The following GLS variants were observed in gnomAD, a reference collection of about 807,000 sequenced individuals.
GLS encodes glutaminase kidney isoform, mitochondrial.
A neutral mutation model predicts 86.7 loss-of-function variants in GLS; 36 were observed. The observed-to-expected ratio is 0.42, with a 90% CI of 0.32 to 0.55. The LOEUF (loss-of-function observed/expected upper bound fraction) is 0.55, where lower values mean the gene tolerates loss of function less well. Among genes scored for constraint, GLS ranks in the 20% least tolerant of loss-of-function variants. The pLI is 0.17. For synonymous variants in GLS, 317 were observed against 305.9 expected (o/e 1.04, Z -0.38); for missense variants, 528 against 833.4 (o/e 0.63, Z 4.51).
intron 14 of GLS, among the ~76,000 whole-genome samples, chr2:190,946,529 C>G (rs138849117): frequency 8.6e-5 from 13 of 151,374 alleles, no homozygotes; most frequent in Admixed American, 3.3e-4. Flanking sequence ...TATAGCAGTT[C>G]CAAACAGGCT....
At chr2:190,928,892 GTTTTTTTTT>G (rs367999647) in intron 12 of GLS, among the ~76,000 whole-genome samples, 1 of 12,822 alleles carries the variant, frequency 7.8e-5, no homozygotes, top group Non-Finnish European at 1.4e-4. Flanking sequence ...ATTCAGGTGT[GTTTTTTTTT>G]TTTTTTTTTT....
intron 3 of GLS, 36 bp from the exon 4 acceptor site, chr2:190,900,528 T>G: frequency 7.6e-7 from 1 of 1,322,388 alleles, no homozygotes; most frequent in Non-Finnish European, 1.1e-6. Flanking sequence ...ATTTGAAATG[T>G]ACCCAGTTTA....
rs1196173173 is a variant in GLS at position 190,956,353 on chromosome 2, T to G, written c.1853+1535T>G. Among the ~76,000 whole-genome samples, 1 of 152,172 alleles carries G rather than the reference T, an allele frequency of 6.6e-6. No homozygotes were observed. Among genetic ancestry groups the G allele is most frequent in the Non-Finnish European group, 1.5e-5 (1 of 68,036 alleles). The stretch of plus-strand genomic sequence containing the variant: ...TTTTCTGCATATGGCTAGCCAGTTT[T>G]CCCAATACCTTTCCCCATTGCTTGT... On this transcript the variant is annotated intron_variant, in intron 17 of 17. Coordinates refer to ENST00000320717, the MANE Select transcript of GLS (RefSeq NM_014905.5). This position sits in a 1 kb window ranked among gnomAD's most constrained non-coding sequence, Gnocchi z 4.2.
intron 14 of GLS, among the ~76,000 whole-genome samples, chr2:190,950,407 A>G (rs961635162): frequency 5.3e-4 from 80 of 152,208 alleles, no homozygotes; most frequent in East Asian, 3.8e-4. Flanking sequence ...GCCTAAGGCA[A>G]TAGTGATAGA....
At chr2:190,907,430 ATT>A (rs1008250849) in intron 6 of GLS, among the ~76,000 whole-genome samples, 1 of 150,292 alleles carries the variant, frequency 6.7e-6, no homozygotes, top group Non-Finnish European at 1.5e-5. Context: ...CTAATTTTGT[ATT>A]TTCAGTAGAG....
intron 14 of GLS, among the ~76,000 whole-genome samples, chr2:190,936,062 G>A (rs1690261373): frequency 6.6e-6 from 1 of 151,056 alleles, no homozygotes. Flanking sequence ...ATTAATCTGT[G>A]GGATTTTTAA....
At position 190,953,987 on chromosome 2, in the gene GLS, TG is replaced by T; in HGVS notation, c.1712+362del. ...GTGTGTGTGTGTGTGTGTGTGTGTG[TG>T]TGTGTGTGAAGCAGCTGGGGGGTTT... On this transcript the variant is annotated intron_variant, in intron 15 of 17. Transcript: ENST00000320717. This position sits in a 1 kb window ranked among gnomAD's most constrained non-coding sequence, Gnocchi z 4.0. 1.3e-5 allele frequency among the ~76,000 whole-genome samples: 2 copies of T among 149,392 alleles called. No homozygotes were observed. Among genetic ancestry groups the T allele is most frequent in the South Asian group, 4.2e-4 (2 of 4,780 alleles).
At chr2:190,959,732 GT>G (rs1287156564) in intron 17 of GLS, among the ~76,000 whole-genome samples, 1 of 152,138 alleles carries the variant, frequency 6.6e-6, no homozygotes, top group African/African-American at 2.4e-5. Context: ...GCCTGATGTT[GT>G]TTTTAATAAT....
rs113276500 is a variant in GLS, at chr2:190,917,804, TC to T, written c.1039-3219del. Among the ~76,000 whole-genome samples, 465 of 150,316 alleles carry T rather than the reference TC, an allele frequency of 3.1e-3. 9 individuals carry two copies. The highest frequency in any genetic ancestry group is 0.011 in the African/African-American group (434 of 39,938). ...TTTTGAAAGAAATATTTTTTTTTTT[TC>T]TGGCTGGTCATGGTGGCTCACACCT... On this transcript the variant is annotated intron_variant, in intron 7 of 17. Coordinates refer to ENST00000320717, the MANE Select transcript of GLS (RefSeq NM_014905.5).
intron 11 of GLS, among the ~76,000 whole-genome samples, chr2:190,925,752 C>T (rs192917799): frequency 3.3e-5 from 5 of 152,138 alleles, no homozygotes; most frequent in East Asian, 1.9e-4. Flanking sequence ...TGTGAAAAAC[C>T]GTAAATTGGG....
At position 190,935,291 on chromosome 2, in the gene GLS, TTTA is replaced by T. The variant is rs1035197504; in HGVS notation, c.1650+3657_1650+3659del. On this transcript the variant is annotated intron_variant, in intron 14 of 17. Transcript: ENST00000320717. This position sits in a 1 kb window ranked among gnomAD's most constrained non-coding sequence, Gnocchi z 4.2. ...CACAATAAATTTATTTTAAGCTGAT[TTTA>T]TTGTTTTTTTTGTTTTGTTTTGTTT... 5 of 523,112 alleles carry T rather than the reference TTTA, an allele frequency of 9.6e-6. No individual in the cohort carries two copies. The highest frequency in any genetic ancestry group is 8.5e-5 in the South Asian group (1 of 11,774). 32.4% of individuals were successfully genotyped at this position (523,112 alleles called of 1,614,324 possible). A position where few individuals can be genotyped will look rare whatever the true frequency, so the allele number is the denominator to read the frequency against.
chr2:190,924,621 T>C lies in GLS; in HGVS notation c.1248+28T>C, dbSNP rs759373410. 1 of 1,236,196 alleles carries C rather than the reference T, an allele frequency of 8.1e-7. No individual in the cohort carries two copies. The allele number at this position is 1,236,196 out of a possible 1,614,324, so 76.6% of individuals were successfully genotyped here. On this transcript the variant is annotated intron_variant, in intron 11 of 17. Transcript: ENST00000320717. This position sits in a 1 kb window ranked among gnomAD's most constrained non-coding sequence, Gnocchi z 5.2. ...AATCTAATTATGTAAATCGTATATA[T>C]AAATGGATGTGTCGGCTGGGCACGG... is the stretch of plus-strand genomic sequence containing the variant.
intron 1 of GLS, among the ~76,000 whole-genome samples, chr2:190,890,004 G>A (rs1334834480): frequency 1.3e-5 from 2 of 152,014 alleles, no homozygotes; most frequent in South Asian, 2.1e-4. Flanking sequence ...CTAAAATAGA[G>A]TGCTAACCAC....
intron 4 of GLS, 110 bp from the exon 5 acceptor site, chr2:190,901,837 A>G: frequency 1.4e-6 from 1 of 714,898 alleles, no homozygotes; most frequent in Non-Finnish European, 2.6e-6. Flanking sequence ...GTGTTGTAGA[A>G]TAACTAGTCA....
At position 190,933,155 on chromosome 2, in the gene GLS, C is replaced by G. The variant is rs532130414; in HGVS notation, c.1650+1518C>G. 5.9e-6 allele frequency: 5 copies of G among 845,830 alleles called. No homozygotes were observed. The African/African-American group carries it at 9.1e-5, about 15-fold the overall frequency. The allele number at this position is 845,830 out of a possible 1,614,324, so 52.4% of individuals were successfully genotyped here. A position where few individuals can be genotyped will look rare whatever the true frequency, so the allele number is the denominator to read the frequency against. On this transcript the variant is annotated intron_variant, in intron 14 of 17. Transcript: ENST00000320717. The stretch of plus-strand genomic sequence containing the variant: ...GTAATTAAAATGTTAACTATGTGGT[C>G]AGATAATCCCATTTTACAATAGTAA...
At chr2:190,916,573 G>A (rs1175119793) in intron 7 of GLS, among the ~76,000 whole-genome samples, 2 of 152,068 alleles carry the variant, frequency 1.3e-5, no homozygotes, top group East Asian at 1.9e-4. Flanking sequence ...AGATACACAA[G>A]CAGATATAGT....
rs1401667938 is a variant in GLS at position 190,913,482 on chromosome 2, G to C, written c.1038+3161G>C. ...TCTGTGGTAGCTACTAACTTTAAAG[G>C]AATACTTTTTGTTGTAATCTGTTTT... On this transcript the variant is annotated intron_variant, in intron 7 of 17. Coordinates refer to ENST00000320717, the MANE Select transcript of GLS (RefSeq NM_014905.5). This position sits in a 1 kb window ranked among gnomAD's most constrained non-coding sequence, Gnocchi z 6.1. 2.0e-6 allele frequency: 2 copies of C among 980,538 alleles called. No individual in the cohort carries two copies. The highest frequency in any genetic ancestry group is 3.5e-5 in the African/African-American group (2 of 56,648). 60.7% of individuals were successfully genotyped at this position (980,538 alleles called of 1,614,324 possible). A position where few individuals can be genotyped will look rare whatever the true frequency, so the allele number is the denominator to read the frequency against.
At chr2:190,952,689 CA>C (rs770238201) in intron 14 of GLS, among the ~76,000 whole-genome samples, 1 of 152,054 alleles carries the variant, frequency 6.6e-6, no homozygotes, top group Non-Finnish European at 1.5e-5. Context: ...CCATTGAGTC[CA>C]GTATCAGTTG....
Position 190,924,206 on chromosome 2 carries a change from A to G in GLS, c.1197+223A>G, listed in dbSNP as rs922156511. ...TTTAAATATTTGACTCATATTATTT[A>G]TTAATACAAATTTTGTTTGAGGTTT... is the stretch of plus-strand genomic sequence containing the variant. On this transcript the variant is annotated intron_variant, in intron 10 of 17. Coordinates refer to ENST00000320717, the MANE Select transcript of GLS (RefSeq NM_014905.5). This position sits in a 1 kb window ranked among gnomAD's most constrained non-coding sequence, Gnocchi z 5.2. Among the ~76,000 whole-genome samples the G allele has an allele frequency of 2.0e-5, 3 of 152,156 alleles. No homozygotes were observed. The highest frequency in any genetic ancestry group is 7.2e-5 in the African/African-American group (3 of 41,450).
Sources: gnomAD v4.1 joint callset for allele counts (sites outside exome capture counted in the v4.1 genomes callset) on GRCh38, gnomAD v4.1.1 for gene constraint, Gnocchi (gnomAD v3.1) non-coding constraint, MANE v1.5 for transcripts, NCBI Gene and HGNC (gene_info 2026-07-23, HGNC 2026-07-21) for gene names.